Variants in CSMD1 observed in about 807,000 individuals in gnomAD.
CSMD1 encodes CUB and Sushi multiple domains 1, also known as CUB and sushi domain-containing protein 1.
A neutral mutation model predicts 417.5 loss-of-function variants in CSMD1; 213 were observed. That is an observed-to-expected ratio of 0.51 (90% confidence interval 0.46 to 0.57). The LOEUF (loss-of-function observed/expected upper bound fraction) is 0.57, where lower values mean the gene tolerates loss of function less well. Among genes scored for constraint, CSMD1 ranks in the 20% least tolerant of loss-of-function variants. The probability of loss-of-function intolerance (pLI) is 0.00; values close to 1 mark genes in which losing one functional copy is unlikely to be tolerated. For synonymous variants in CSMD1, 2,862 were observed against 1,736.8 expected (o/e 1.65, Z -16.11); for missense variants, 6,923 against 4,529.7 (o/e 1.53, Z -15.17).
At chr8:3,223,269 T>C (rs887404388) in intron 28 of CSMD1, among the ~76,000 whole-genome samples, 1 of 152,174 alleles carries the variant, frequency 6.6e-6, no homozygotes, top group Non-Finnish European at 1.5e-5. Context: ...GCAACCACAT[T>C]TGGGGAAACT....
intron 1 of CSMD1, among the ~76,000 whole-genome samples, chr8:4,640,183 G>C (rs1339429599): frequency 6.6e-6 from 1 of 152,218 alleles, no homozygotes; most frequent in Non-Finnish European, 1.5e-5. Flanking sequence ...TACAGTGCAT[G>C]TTGCTGAATG....
intron 7 of CSMD1, among the ~76,000 whole-genome samples, chr8:3,660,906 C>A (rs1442166140): frequency 6.6e-6 from 1 of 152,134 alleles, no homozygotes; most frequent in East Asian, 1.9e-4. Context: ...TACACAGCTG[C>A]TCCCAATTCA....
At chr8:3,042,951 C>A (rs1464358548) in intron 50 of CSMD1, among the ~76,000 whole-genome samples, 1 of 151,030 alleles carries the variant, frequency 6.6e-6, no homozygotes, top group Non-Finnish European at 1.5e-5. Context: ...TAGTGATATA[C>A]ATATAGTGAT....
At chr8:4,252,446 G>C (rs1272462475) in intron 3 of CSMD1, among the ~76,000 whole-genome samples, 1 of 152,238 alleles carries the variant, frequency 6.6e-6, no homozygotes, top group Non-Finnish European at 1.5e-5. Flanking sequence ...GAGGGGACCT[G>C]AATGAGAACT....
intron 12 of CSMD1, among the ~76,000 whole-genome samples, chr8:3,415,066 T>A (rs1374905315): frequency 6.6e-6 from 1 of 152,242 alleles, no homozygotes; most frequent in African/African-American, 2.4e-5. Context: ...TAAATTATTG[T>A]TCTTATTAAA....
At chr8:4,975,973 A>G (rs1043324118) in intron 1 of CSMD1, among the ~76,000 whole-genome samples, 1 of 152,234 alleles carries the variant, frequency 6.6e-6, no homozygotes, top group Non-Finnish European at 1.5e-5. Flanking sequence ...TGCTTGAAAA[A>G]GAAATAGGTG....
At chr8:4,548,042 C>T (rs1797707076) in intron 2 of CSMD1, among the ~76,000 whole-genome samples, 2 of 152,102 alleles carry the variant, frequency 1.3e-5, no homozygotes, top group Admixed American at 6.6e-5. Flanking sequence ...GGGTTACAGC[C>T]AACCCTTGCA....
chr8:4,636,078 G>A (rs144685416), intron 2 of CSMD1, among the ~76,000 whole-genome samples: 119 of 151,998 alleles, frequency 7.8e-4, no homozygotes, highest in African/African-American at 2.7e-3. Context: ...TAAACTAGAT[G>A]TACACATAAA....
At chr8:3,501,202 G>A (rs1392000449) in intron 10 of CSMD1, among the ~76,000 whole-genome samples, 1 of 152,022 alleles carries the variant, frequency 6.6e-6, no homozygotes, top group Admixed American at 6.6e-5. Context: ...TATATCAACT[G>A]ATCTCTATGA....
At chr8:3,382,307 T>C (rs1283335180) in intron 18 of CSMD1, among the ~76,000 whole-genome samples, 3 of 148,718 alleles carry the variant, frequency 2.0e-5, no homozygotes, top group Admixed American at 6.8e-5. Flanking sequence ...TTAAAGTTTA[T>C]TGGGTTAGGG....
At chr8:4,094,718 G>C (rs1800908631) in intron 3 of CSMD1, among the ~76,000 whole-genome samples, 1 of 152,180 alleles carries the variant, frequency 6.6e-6, no homozygotes, top group Non-Finnish European at 1.5e-5. Flanking sequence ...AGACAGGGCA[G>C]TGGGGAGCCT....
intron 3 of CSMD1, among the ~76,000 whole-genome samples, chr8:4,094,772 A>G (rs921267818): frequency 5.3e-5 from 8 of 152,146 alleles, no homozygotes; most frequent in African/African-American, 1.9e-4. Context: ...TGCTGAGCTA[A>G]CACTGCGCAT....
At chr8:3,603,570 C>A (rs2117092613) in intron 8 of CSMD1, among the ~76,000 whole-genome samples, 1 of 152,156 alleles carries the variant, frequency 6.6e-6, no homozygotes, top group Non-Finnish European at 1.5e-5. Context: ...GTTTGAGTTT[C>A]AAAAAATAAA....
At chr8:4,280,391 G>C (rs1419894416) in intron 3 of CSMD1, among the ~76,000 whole-genome samples, 2 of 152,168 alleles carry the variant, frequency 1.3e-5, no homozygotes, top group East Asian at 1.9e-4. Flanking sequence ...GTTTTCTTCA[G>C]TTGTCTAGAA....
chr8:3,078,210 G>C (rs966735574), intron 49 of CSMD1, among the ~76,000 whole-genome samples: 1 of 152,150 alleles, frequency 6.6e-6, no homozygotes, highest in East Asian at 1.9e-4. Flanking sequence ...TGTGCAGAAA[G>C]GTCAAGGTCT....
intron 63 of CSMD1, among the ~76,000 whole-genome samples, chr8:2,957,202 AT>A (rs1803078192): frequency 6.6e-6 from 1 of 152,180 alleles, no homozygotes; most frequent in African/African-American, 2.4e-5. Context: ...ACTTCCTGTT[AT>A]AGCAAGAATA....
chr8:3,366,793 C>T (rs550201367), intron 20 of CSMD1, among the ~76,000 whole-genome samples: 28 of 152,246 alleles, frequency 1.8e-4, no homozygotes, highest in East Asian at 9.7e-4. Context: ...TTTTCAAAGA[C>T]GAGAATTCAC....
intron 6 of CSMD1, among the ~76,000 whole-genome samples, chr8:3,748,097 G>A (rs549985382): frequency 2.6e-5 from 4 of 152,218 alleles, no homozygotes; most frequent in East Asian, 3.9e-4. Flanking sequence ...AGAGTCAGTC[G>A]CTTGGAACCC....
At chr8:3,264,873 G>T (rs934152995) in intron 26 of CSMD1, among the ~76,000 whole-genome samples, 1 of 146,036 alleles carries the variant, frequency 6.8e-6, no homozygotes, top group African/African-American at 2.5e-5. Context: ...GGTGTGTGTG[G>T]CCTGTGTGTG....
Sources: allele counts gnomAD v4.1 joint callset (sites outside exome capture counted in the v4.1 genomes callset), GRCh38; gene constraint gnomAD v4.1.1; transcripts MANE v1.5; gene names NCBI Gene and HGNC (gene_info 2026-07-23, HGNC 2026-07-21).